Variants in NUBPL observed in about 807,000 individuals in gnomAD.
NUBPL encodes NUBP iron-sulfur cluster assembly factor, mitochondrial, also known as iron-sulfur cluster transfer protein NUBPL.
A neutral mutation model predicts 45.7 loss-of-function variants in NUBPL; 31 were observed. The ratio of observed to expected loss-of-function variants is 0.68; its 90% CI spans 0.51 to 0.92. NUBPL has a LOEUF of 0.92. NUBPL is among the 40% of genes least tolerant of loss of function. NUBPL has a pLI of 0.00. For synonymous variants in NUBPL, 144 were observed against 140.9 expected (o/e 1.02, Z -0.15); for missense variants, 401 against 398.7 (o/e 1.01, Z -0.05).
At chr14:31,808,131 T>G (rs1298090871) in intron 7 of NUBPL, among the ~76,000 whole-genome samples, 1 of 152,196 alleles carries the variant, frequency 6.6e-6, no homozygotes, top group Non-Finnish European at 1.5e-5. Flanking sequence ...CATATGAACT[T>G]GAAAGTAGTT....
chr14:31,835,954 A>G (rs1323467297), intron 8 of NUBPL, among the ~76,000 whole-genome samples: 2 of 152,206 alleles, frequency 1.3e-5, no homozygotes, highest in Non-Finnish European at 1.5e-5. Flanking sequence ...ACAGGTTCCA[A>G]CCAGCAAGCA....
intron 6 of NUBPL, among the ~76,000 whole-genome samples, chr14:31,705,187 C>T (rs928772920): frequency 1.3e-5 from 2 of 150,264 alleles, no homozygotes; most frequent in Admixed American, 1.3e-4. Flanking sequence ...AGTTGTTCGT[C>T]CCTCCTGGTG....
At chr14:31,798,599 T>C (rs1000664182) in intron 7 of NUBPL, among the ~76,000 whole-genome samples, 8 of 151,448 alleles carry the variant, frequency 5.3e-5, no homozygotes, top group African/African-American at 1.9e-4. Flanking sequence ...GAGACCATCC[T>C]GGCTAACACG....
chr14:31,706,099 G>A (rs569210999), intron 6 of NUBPL, among the ~76,000 whole-genome samples: 2 of 152,294 alleles, frequency 1.3e-5, no homozygotes, highest in South Asian at 4.2e-4. Context: ...GGACACCGAG[G>A]CTGAGGAGAT....
intron 6 of NUBPL, among the ~76,000 whole-genome samples, chr14:31,676,564 C>T (rs1043798772): frequency 6.6e-5 from 10 of 151,770 alleles, no homozygotes; most frequent in Non-Finnish European, 1.2e-4. Context: ...AGTTGCTTCA[C>T]ATTTGTGTTA....
At chr14:31,805,462 A>C (rs1266186100) in intron 7 of NUBPL, among the ~76,000 whole-genome samples, 2 of 152,220 alleles carry the variant, frequency 1.3e-5, no homozygotes, top group African/African-American at 4.8e-5. Flanking sequence ...AGACACATGC[A>C]CGTGTACATT....
At chr14:31,802,398 C>T (rs1270854180) in intron 7 of NUBPL, among the ~76,000 whole-genome samples, 1 of 152,022 alleles carries the variant, frequency 6.6e-6, no homozygotes. Context: ...GCCTCAGCCT[C>T]CTGAGTAGCT....
intron 6 of NUBPL, among the ~76,000 whole-genome samples, chr14:31,786,895 GTGT>G (rs1304960830): frequency 6.6e-6 from 1 of 152,194 alleles, no homozygotes; most frequent in African/African-American, 2.4e-5. Context: ...CCATTTTTCA[GTGT>G]TGTTAGGAAC....
At position 31,701,496 on chromosome 14, in the gene NUBPL, C is replaced by G. The variant is rs539713440; in HGVS notation, c.513+27922C>G. ...TTGGGTCCCCTTCCGCATGTGGAAG[C>G]TTTGTTCTTTCGCTCTTCGCAATAA... On this transcript the variant is annotated intron_variant, in intron 6 of 10. Coordinates refer to ENST00000281081, the MANE Select transcript of NUBPL (RefSeq NM_025152.3). Among the ~76,000 whole-genome samples, 6 of 152,382 alleles carry G rather than the reference C, an allele frequency of 3.9e-5. No individual in the cohort carries two copies. In the East Asian group the frequency reaches 1.2e-3, roughly 29 times the overall value.
intron 6 of NUBPL, among the ~76,000 whole-genome samples, chr14:31,705,454 A>G (rs1453708396): frequency 6.6e-6 from 1 of 151,666 alleles, no homozygotes; most frequent in Non-Finnish European, 1.5e-5. Flanking sequence ...TGATTGGTCC[A>G]TTTTATAGAG....
At chr14:31,591,530 A>AT (rs368258554) in intron 3 of NUBPL, among the ~76,000 whole-genome samples, 29 of 151,822 alleles carry the variant, frequency 1.9e-4, no homozygotes, top group Admixed American at 5.3e-4. Context: ...CATGAAGTCT[A>AT]TTTTTTTTGG....
intron 4 of NUBPL, among the ~76,000 whole-genome samples, chr14:31,604,590 C>T (rs1035572367): frequency 3.2e-4 from 49 of 152,172 alleles, no homozygotes; most frequent in African/African-American, 1.2e-3. Flanking sequence ...TACCTTTCTC[C>T]TTATTATTTA....
chr14:31,833,401 A>G (rs1268495858), intron 8 of NUBPL, among the ~76,000 whole-genome samples: 2 of 152,054 alleles, frequency 1.3e-5, no homozygotes, highest in African/African-American at 4.8e-5. Flanking sequence ...AATTTTAAAC[A>G]CTACTGTTTT....
At chr14:31,741,748 G>C (rs2038288719) in intron 6 of NUBPL, among the ~76,000 whole-genome samples, 1 of 151,942 alleles carries the variant, frequency 6.6e-6, no homozygotes, top group Admixed American at 6.6e-5. Flanking sequence ...ACTCATTTCT[G>C]CTTGTAGGTT....
At chr14:31,799,753 C>T (rs533667503) in intron 7 of NUBPL, among the ~76,000 whole-genome samples, 2 of 152,302 alleles carry the variant, frequency 1.3e-5, no homozygotes, top group East Asian at 1.9e-4. Context: ...GTCTTTCCTT[C>T]GTGATTGTGG....
At chr14:31,756,745 G>A (rs1294559559) in intron 6 of NUBPL, among the ~76,000 whole-genome samples, 2 of 151,688 alleles carry the variant, frequency 1.3e-5, no homozygotes, top group Non-Finnish European at 2.9e-5. Flanking sequence ...ATGTTGAATA[G>A]GAGTGGTGAG....
chr14:31,636,559 GT>G (rs2139679899), intron 4 of NUBPL, among the ~76,000 whole-genome samples: 1 of 152,074 alleles, frequency 6.6e-6, no homozygotes, highest in Non-Finnish European at 1.5e-5. Flanking sequence ...CTCTTTTTTG[GT>G]TGTGTCTCTG....
chr14:31,657,182 A>G (rs1302459029), intron 4 of NUBPL, among the ~76,000 whole-genome samples: 2 of 152,170 alleles, frequency 1.3e-5, no homozygotes, highest in African/African-American at 4.8e-5. Context: ...CCCAACATCC[A>G]AAGTTTTATT....
At chr14:31,841,917 C>CTTTTGTTTTTGTTTTTTTTTTTTTT in intron 8 of NUBPL, among the ~76,000 whole-genome samples, 16 of 43,036 alleles carry the variant, frequency 3.7e-4, no homozygotes, top group Non-Finnish European at 4.7e-4. Flanking sequence ...CGATTCTGGG[C>CTTTTGTTTTTGTTTTTTTTTTTTTT]TTTTTTTTTT....
Sources: allele counts gnomAD v4.1 joint callset (sites outside exome capture counted in the v4.1 genomes callset), GRCh38; gene constraint gnomAD v4.1.1; transcripts MANE v1.5; gene names NCBI Gene and HGNC (gene_info 2026-07-23, HGNC 2026-07-21).